CHST3: variants seen among roughly 807,000 people sequenced by gnomAD.
CHST3 encodes the protein carbohydrate sulfotransferase 3, also known as C6ST-1.
CHST3 carries 20 observed loss-of-function variants against 35.4 expected under a neutral mutation model. The ratio of observed to expected loss-of-function variants is 0.57; its 90% CI spans 0.40 to 0.82. The LOEUF (loss-of-function observed/expected upper bound fraction) is 0.82, where lower values mean the gene tolerates loss of function less well. Among genes scored for constraint, CHST3 ranks in the 40% least tolerant of loss-of-function variants. The pLI is 0.00. For synonymous variants in CHST3, 334 were observed against 295.9 expected, an observed-to-expected ratio of 1.13 and a Z score of -1.32; for missense variants, 693 against 670.1, an observed-to-expected ratio of 1.03 and a Z score of -0.38.
intron 1 of CHST3, among the ~76,000 whole-genome samples, chr10:71,973,171 G>A (rs927609124): frequency 7.9e-5 from 12 of 152,304 alleles, no homozygotes; most frequent in South Asian, 2.1e-4. Context: ...GGTGGCTAAC[G>A]TGGGCCAAGG....
At chr10:71,974,359 G>C (rs1277222918) in intron 1 of CHST3, among the ~76,000 whole-genome samples, 2 of 152,188 alleles carry the variant, frequency 1.3e-5, no homozygotes, top group African/African-American at 2.4e-5. Context: ...CAGAGAGGTT[G>C]AGTAACCTGC....
intron 1 of CHST3, among the ~76,000 whole-genome samples, chr10:71,980,814 T>C (rs921505364): frequency 1.3e-5 from 2 of 152,228 alleles, no homozygotes; most frequent in African/African-American, 4.8e-5. Flanking sequence ...ATCCGAACGG[T>C]GGATCTCTGA....
chr10:71,977,093 C>T (rs1839752605), intron 1 of CHST3, among the ~76,000 whole-genome samples: 1 of 152,200 alleles, frequency 6.6e-6, no homozygotes, highest in Non-Finnish European at 1.5e-5. Context: ...GAAATAGCAT[C>T]GGGCCCCCTG....
In CHST3 at chr10:71,995,841, A is replaced by G. The variant is rs1839933703; in HGVS notation, c.-107-9895A>G. Among the ~76,000 whole-genome samples, 2 of 152,222 alleles carry G rather than the reference A, an allele frequency of 1.3e-5. 1 individual carries two copies. Among genetic ancestry groups the G allele is most frequent in the South Asian group, 4.1e-4 (2 of 4,830 alleles). On this transcript the variant is annotated intron_variant, in intron 1 of 2. Transcript: ENST00000373115. The stretch of plus-strand genomic sequence containing the variant: ...CACAGATCACCATAACAGATATAAT[A>G]ATAATGAAAAAATCTGCACTATTGC...
chr10:72,007,287 G>A lies in CHST3; in HGVS notation c.256G>A (p.Ala86Thr). The change falls in exon 3 of 3, where the codon GCC becomes ACC. Residue 86 changes from alanine (A) to threonine (T), a missense_variant. Coordinates refer to ENST00000373115, the MANE Select transcript of CHST3 (RefSeq NM_004273.5). ...SLLSLSELDS[A>T]FSQLQSRLRN... ...CTTGTCCCTGAGCGAGCTCGATTCA[G>A]CCTTCTCCCAGCTTCAGAGCCGTCT... 1 of 1,614,032 alleles carries A rather than the reference G, an allele frequency of 6.2e-7. No individual in the cohort carries two copies. Among genetic ancestry groups the A allele is most frequent in the Non-Finnish European group, 8.5e-7 (1 of 1,179,976 alleles).
At chr10:71,997,033 T>C (rs1232806520) in intron 1 of CHST3, among the ~76,000 whole-genome samples, 2 of 152,250 alleles carry the variant, frequency 1.3e-5, no homozygotes, top group Admixed American at 6.5e-5. Context: ...GGCCGTTGTT[T>C]ATTTATTTAT....
chr10:71,999,940 C>G (rs1243401004), intron 1 of CHST3, among the ~76,000 whole-genome samples: 1 of 152,230 alleles, frequency 6.6e-6, no homozygotes, highest in Non-Finnish European at 1.5e-5. Flanking sequence ...TCTGCCCTCC[C>G]CCTTGTTACC....
Position 72,006,920 on chromosome 10 carries a change from A to G in CHST3, c.141-252A>G, listed in dbSNP as rs1270645773. 2.0e-5 allele frequency among the ~76,000 whole-genome samples: 3 copies of G among 152,200 alleles called. No homozygotes were observed. The East Asian group carries it at 5.8e-4, about 29-fold the overall frequency. On this transcript the variant is annotated intron_variant, in intron 2 of 2. Transcript: ENST00000373115. Reference sequence around the variant, plus strand: ...AGATCCCCATCAGACTAAGCCTCCGATGCCCACACCTGCTCCTAGCAGCAC... The same window carrying G: ...AGATCCCCATCAGACTAAGCCTCCGGTGCCCACACCTGCTCCTAGCAGCAC...
chr10:71,996,955 C>T (rs751288801), intron 1 of CHST3, among the ~76,000 whole-genome samples: 2 of 152,148 alleles, frequency 1.3e-5, no homozygotes, highest in Non-Finnish European at 1.5e-5. Context: ...CAGGGTCTCA[C>T]TATGTTGCTC....
rs539042881 is a variant in CHST3, at chr10:71,988,966, C to G, written c.-107-16770C>G. 2.0e-5 allele frequency among the ~76,000 whole-genome samples: 3 copies of G among 152,130 alleles called. No homozygotes were observed. The East Asian group carries it at 5.8e-4, about 30-fold the overall frequency. On this transcript the variant is annotated intron_variant, in intron 1 of 2. Transcript: ENST00000373115. Reference sequence around the variant, plus strand: ...TCACTTGAGGTCAGGAATTCGAGACCAGCCTGACCAAAATGGTGAAACCCC... The same window carrying G: ...TCACTTGAGGTCAGGAATTCGAGACGAGCCTGACCAAAATGGTGAAACCCC...
chr10:71,966,019 G>A (rs1839628946), intron 1 of CHST3, among the ~76,000 whole-genome samples: 1 of 152,158 alleles, frequency 6.6e-6, no homozygotes, highest in South Asian at 2.1e-4. Flanking sequence ...CTGTTTGGCA[G>A]ATTCTGTGGG....
chr10:72,011,595 C>T lies in CHST3; in HGVS notation c.*3124C>T, dbSNP rs1840111020. ...GAAGCCTTCCCCTGCAAGGTGCCCA[C>T]CTGCCCGGAGACAGAGGGAGCAGCT... is the stretch of plus-strand genomic sequence containing the variant. On this transcript the variant is annotated 3_prime_UTR_variant, in exon 3 of 3. Coordinates refer to ENST00000373115, the MANE Select transcript of CHST3 (RefSeq NM_004273.5). The T allele has an allele frequency of 6.6e-6, 1 of 152,308 alleles. No homozygotes were observed. Among genetic ancestry groups the T allele is most frequent in the Admixed American group, 6.5e-5 (1 of 15,290 alleles). 9.4% of individuals were successfully genotyped at this position (152,308 alleles called of 1,614,324 possible). A position where few individuals can be genotyped will look rare whatever the true frequency, so the allele number is the denominator to read the frequency against.
rs1412751620 is a variant in CHST3, at chr10:72,011,255, TC to T, written c.*2785del. On this transcript the variant is annotated 3_prime_UTR_variant, in exon 3 of 3. Transcript: ENST00000373115. The stretch of plus-strand genomic sequence containing the variant: ...GATCCCTTGGTTTCTCTCTTGTTGA[TC>T]TGAGATGCTACATCAGGGCCCTTGC... 6.6e-6 allele frequency: 1 copy of T among 152,180 alleles called. No individual in the cohort carries two copies. Among genetic ancestry groups the T allele is most frequent in the Non-Finnish European group, 1.5e-5 (1 of 68,032 alleles). 9.4% of individuals were successfully genotyped at this position (152,180 alleles called of 1,614,324 possible).
chr10:72,000,705 A>G (rs537125518), intron 1 of CHST3, among the ~76,000 whole-genome samples: 2 of 152,156 alleles, frequency 1.3e-5, no homozygotes, highest in African/African-American at 4.8e-5. Flanking sequence ...TGTTTGAAGC[A>G]GAAGCTGCCT....
chr10:72,008,151 G>A lies in CHST3; in HGVS notation c.1120G>A (p.Val374Met). The A allele has an allele frequency of 6.5e-7, 1 of 1,548,552 alleles. No individual in the cohort carries two copies. The highest frequency in any genetic ancestry group is 8.7e-7 in the Non-Finnish European group (1 of 1,146,452). Reference sequence around the variant, plus strand: ...CTACATGCTGGTGCGCTACGAGGACGTGGCACGCGGGCCGCTGCAGAAGGC... The same window carrying A: ...CTACATGCTGGTGCGCTACGAGGACATGGCACGCGGGCCGCTGCAGAAGGC... The part of the protein sequence containing the change: ...GRYMLVRYED[V>M]ARGPLQKARE... The change falls in exon 3 of 3, where the codon GTG (valine) becomes ATG (methionine). Residue 374 changes from valine to methionine, a missense_variant. Coordinates refer to ENST00000373115, the MANE Select transcript of CHST3 (RefSeq NM_004273.5).
intron 1 of CHST3, among the ~76,000 whole-genome samples, chr10:71,968,002 G>C (rs1462000083): frequency 9.6e-6 from 1 of 104,026 alleles, no homozygotes; most frequent in African/African-American, 3.1e-5. Context: ...TATTTTAGTA[G>C]AGACGAGGTT....
intron 1 of CHST3, among the ~76,000 whole-genome samples, chr10:71,985,249 C>T (rs1445877773): frequency 6.6e-6 from 1 of 152,256 alleles, no homozygotes; most frequent in African/African-American, 2.4e-5. Flanking sequence ...GCTTGGGCAC[C>T]AAGCCTTGCA....
chr10:71,977,552 T>G (rs1379943417), intron 1 of CHST3, among the ~76,000 whole-genome samples: 1 of 151,346 alleles, frequency 6.6e-6, no homozygotes, highest in African/African-American at 2.4e-5. Flanking sequence ...CAACCTCAAG[T>G]GATCCTCCCA....
In CHST3 at chr10:72,012,515, G is replaced by A. The variant is rs1030918521; in HGVS notation, c.*4044G>A. On this transcript the variant is annotated 3_prime_UTR_variant, in exon 3 of 3. Coordinates refer to ENST00000373115, the MANE Select transcript of CHST3 (RefSeq NM_004273.5). ...CTTGTCCCTTGCTAAGACAGGAGCAGAAGACTGGATGGCTGTGTCCTCAAG... is the reference window on the plus strand; with the variant it reads ...CTTGTCCCTTGCTAAGACAGGAGCAAAAGACTGGATGGCTGTGTCCTCAAG... 6.6e-6 allele frequency: 1 copy of A among 152,316 alleles called. No homozygotes were observed. The highest frequency in any genetic ancestry group is 1.5e-5 in the Non-Finnish European group (1 of 68,124). The allele number at this position is 152,316 out of a possible 1,614,324, so 9.4% of individuals were successfully genotyped here.
Sources: gnomAD v4.1 joint callset for allele counts (sites outside exome capture counted in the v4.1 genomes callset) on GRCh38, gnomAD v4.1.1 for gene constraint, MANE v1.5 for transcripts, NCBI Gene and HGNC (gene_info 2026-07-23, HGNC 2026-07-21) for gene names.